The following ADGRL3 variants were observed in gnomAD, a reference collection of about 807,000 sequenced individuals.
ADGRL3 encodes the protein adhesion G protein-coupled receptor L3.
A neutral mutation model predicts 153.5 loss-of-function variants in ADGRL3; 62 were observed. That is an observed-to-expected ratio of 0.40 (90% CI 0.33 to 0.50). The LOEUF is 0.50. ADGRL3 is among the 20% of genes least tolerant of loss of function. The pLI is 0.47. For synonymous variants in ADGRL3, 710 were observed against 672.5 expected, an observed-to-expected ratio of 1.06 and a Z score of -0.86; for missense variants, 1,641 against 1,859.4, an observed-to-expected ratio of 0.88 and a Z score of 2.16.
intron 5 of ADGRL3, among the ~76,000 whole-genome samples, chr4:61,664,731 G>A (rs1423311314): frequency 6.6e-6 from 1 of 151,992 alleles, no homozygotes. Context: ...ATTTTTTATA[G>A]GGTTCAGGTT....
chr4:61,853,555 C>G (rs1343543224), intron 9 of ADGRL3, among the ~76,000 whole-genome samples: 2 of 152,114 alleles, frequency 1.3e-5, no homozygotes, highest in African/African-American at 4.8e-5. Context: ...GTAAAAGCAC[C>G]TTCTGGCTAC....
chr4:61,352,815 T>C (rs1376990977), intron 1 of ADGRL3, among the ~76,000 whole-genome samples: 1 of 152,198 alleles, frequency 6.6e-6, no homozygotes, highest in East Asian at 1.9e-4. Flanking sequence ...ACTACTTTTG[T>C]AGTAGGTTGG....
At chr4:61,688,580 C>A (rs1003574024) in intron 6 of ADGRL3, among the ~76,000 whole-genome samples, 3 of 152,118 alleles carry the variant, frequency 2.0e-5, no homozygotes, top group African/African-American at 7.2e-5. Flanking sequence ...CATAGCCATT[C>A]GAATTAATAC....
chr4:62,062,178 A>G (rs972820955), intron 25 of ADGRL3, among the ~76,000 whole-genome samples: 1 of 151,944 alleles, frequency 6.6e-6, no homozygotes, highest in Non-Finnish European at 1.5e-5. Flanking sequence ...TGGGGTTTTA[A>G]CCTGTATTTC....
intron 17 of ADGRL3, among the ~76,000 whole-genome samples, chr4:61,951,607 A>G (rs1350183273): frequency 2.6e-5 from 4 of 152,170 alleles, no homozygotes; most frequent in Non-Finnish European, 4.4e-5. Flanking sequence ...GGCTCATGCA[A>G]GTAATCCCAG....
intron 13 of ADGRL3, among the ~76,000 whole-genome samples, chr4:61,919,035 T>C (rs2098756674): frequency 6.6e-6 from 1 of 152,196 alleles, no homozygotes; most frequent in Non-Finnish European, 1.5e-5. Context: ...GACAAAGAGC[T>C]CTGTGGTGCA....
chr4:61,264,422 G>C (rs145528137), intron 1 of ADGRL3, among the ~76,000 whole-genome samples: 75 of 152,078 alleles, frequency 4.9e-4, no homozygotes, highest in African/African-American at 1.8e-3. Flanking sequence ...TTCTCAAAGT[G>C]ATTATAAACT....
chr4:61,701,848 G>T (rs1440021783), intron 6 of ADGRL3, among the ~76,000 whole-genome samples: 1 of 152,006 alleles, frequency 6.6e-6, no homozygotes, highest in Non-Finnish European at 1.5e-5. Context: ...CATATTTTGG[G>T]ATATGATGAA....
At chr4:61,903,347 A>C (rs2098675416) in intron 11 of ADGRL3, among the ~76,000 whole-genome samples, 1 of 152,070 alleles carries the variant, frequency 6.6e-6, no homozygotes, top group Non-Finnish European at 1.5e-5. Context: ...ATAATACGTC[A>C]TACACTTTCC....
intron 1 of ADGRL3, among the ~76,000 whole-genome samples, chr4:61,372,942 T>C (rs1414565399): frequency 1.3e-5 from 2 of 152,194 alleles, no homozygotes; most frequent in Non-Finnish European, 2.9e-5. Flanking sequence ...GCGCCCTTTT[T>C]TAAGCCCGTC....
intron 2 of ADGRL3, among the ~76,000 whole-genome samples, chr4:61,459,316 TAAAC>T (rs2097785753): frequency 6.6e-6 from 1 of 151,700 alleles, no homozygotes; most frequent in South Asian, 2.1e-4. Context: ...GGACAAACAA[TAAAC>T]AAATAGATTA....
chr4:61,504,667 C>T (rs965565215), intron 3 of ADGRL3, among the ~76,000 whole-genome samples: 8 of 152,180 alleles, frequency 5.3e-5, no homozygotes, highest in African/African-American at 2.4e-5. Context: ...CTCCACTAAT[C>T]TTCCCATCCT....
intron 5 of ADGRL3, among the ~76,000 whole-genome samples, chr4:61,647,971 T>G (rs940542127): frequency 6.6e-6 from 1 of 152,174 alleles, no homozygotes; most frequent in East Asian, 1.9e-4. Flanking sequence ...ATTTTCCTAT[T>G]CTGTGGGAAG....
intron 23 of ADGRL3, among the ~76,000 whole-genome samples, chr4:62,033,425 T>G (rs1723257023): frequency 1.3e-5 from 2 of 151,716 alleles, no homozygotes; most frequent in South Asian, 4.2e-4. Flanking sequence ...GACATGTAAA[T>G]GGTGAGTGAG....
At chr4:61,306,738 T>C (rs975068372) in intron 1 of ADGRL3, among the ~76,000 whole-genome samples, 6 of 152,176 alleles carry the variant, frequency 3.9e-5, no homozygotes, top group Admixed American at 3.3e-4. Flanking sequence ...TTGACAATTT[T>C]ATACAACTAT....
chr4:61,993,164 T>TTGTGTGTGTGTGTGTG (rs3065140), intron 19 of ADGRL3, among the ~76,000 whole-genome samples: 1 of 138,424 alleles, frequency 7.2e-6, no homozygotes, highest in Non-Finnish European at 1.5e-5. Flanking sequence ...TGGGCTGCAG[T>TTGTGTGTGTGTGTGTG]TGTGTGTGTG....
intron 7 of ADGRL3, 117 bp from the exon 8 acceptor site, chr4:61,732,637 A>G (rs1042195251): frequency 6.0e-6 from 3 of 496,902 alleles, no homozygotes; most frequent in South Asian, 1.3e-4. Context: ...ATGCAGCAAA[A>G]TAAGTGATGG....
Position 61,813,781 on chromosome 4 carries a change from T to C in ADGRL3, c.1400-28T>C, listed in dbSNP as rs372473778. 60 of 1,606,506 alleles carry C rather than the reference T, an allele frequency of 3.7e-5. 1 individual carries two copies. The highest frequency in any genetic ancestry group is 4.9e-5 in the Non-Finnish European group (57 of 1,173,492). ...AGGGAAAAGACATACGTATGATGTC[T>C]TCTTAACAATTTGTTTTGGGTCCAC... is the stretch of plus-strand genomic sequence containing the variant. On this transcript the variant is annotated intron_variant, in intron 8 of 26. Coordinates refer to ENST00000683033, the MANE Select transcript of ADGRL3 (RefSeq NM_001387552.1).
At chr4:61,356,152 A>G (rs916722711) in intron 1 of ADGRL3, among the ~76,000 whole-genome samples, 2 of 152,000 alleles carry the variant, frequency 1.3e-5, no homozygotes, top group Non-Finnish European at 2.9e-5. Context: ...CTTTCTTCCT[A>G]AAACAGAAGA....
Sources: gnomAD v4.1 joint callset for allele counts (sites outside exome capture counted in the v4.1 genomes callset) on GRCh38, gnomAD v4.1.1 for gene constraint, MANE v1.5 for transcripts, NCBI Gene and HGNC (gene_info 2026-07-23, HGNC 2026-07-21) for gene names.